The following OPCML variants were observed in gnomAD, a reference collection of about 807,000 sequenced individuals.
OPCML encodes opioid binding protein/cell adhesion molecule like.
OPCML carries 13 observed loss-of-function variants against 37.8 expected under a neutral mutation model. That is an observed-to-expected ratio of 0.34 (90% CI 0.22 to 0.55). OPCML has a LOEUF of 0.55. Among genes scored for constraint, OPCML ranks in the 20% least tolerant of loss-of-function variants. OPCML has a pLI of 0.91. For missense variants in OPCML, 341 were observed against 435.6 expected (o/e 0.78, Z 1.93); for synonymous variants, 176 against 168.8 (o/e 1.04, Z -0.33).
intron 1 of OPCML, among the ~76,000 whole-genome samples, chr11:133,090,534 T>C (rs1188355637): frequency 2.6e-5 from 4 of 152,120 alleles, no homozygotes; most frequent in Non-Finnish European, 5.9e-5. Context: ...CGAGAAATAA[T>C]GTATTAGAAA....
At chr11:132,721,961 T>TTTTC (rs1944687596) in intron 2 of OPCML, among the ~76,000 whole-genome samples, 1 of 138,292 alleles carries the variant, frequency 7.2e-6, no homozygotes, top group Non-Finnish European at 1.6e-5. Context: ...TTTTTTTTTT[T>TTTTC]TTTTTTTTTT....
intron 3 of OPCML, among the ~76,000 whole-genome samples, chr11:132,621,658 T>C (rs550794857): frequency 6.6e-6 from 1 of 152,294 alleles, no homozygotes; most frequent in South Asian, 2.1e-4. Context: ...TCTGGAACAA[T>C]GCAATGTGTT....
rs145066168 is a variant in OPCML, at chr11:132,767,831, A to T, written c.147-110512T>A. On this transcript the variant is annotated intron_variant, in intron 2 of 7. Transcript: ENST00000524381. ...GCTTGGAAAAAAAAAACCCTCCTGC[A>T]GTTGAATTAAATATGGGGGAAAAAC... Among the ~76,000 whole-genome samples the T allele has an allele frequency of 3.1e-4, 47 of 152,132 alleles. No individual in the cohort carries two copies. The East Asian group carries it at 8.9e-3, about 29-fold the overall frequency.
chr11:132,767,892 A>C (rs1198938927), intron 2 of OPCML, among the ~76,000 whole-genome samples: 1 of 152,190 alleles, frequency 6.6e-6, no homozygotes, highest in East Asian at 1.9e-4. Flanking sequence ...GAGTCTAGAA[A>C]TATTTTATAC....
chr11:132,515,066 G>A (rs2096276755), intron 4 of OPCML, among the ~76,000 whole-genome samples: 1 of 152,304 alleles, frequency 6.6e-6, no homozygotes, highest in South Asian at 2.1e-4. Context: ...GAAGAGCAGA[G>A]GTGAGCTGAG....
At chr11:132,825,817 C>T (rs756510849) in intron 2 of OPCML, among the ~76,000 whole-genome samples, 2 of 152,138 alleles carry the variant, frequency 1.3e-5, no homozygotes, top group African/African-American at 4.8e-5. Context: ...GGGAATACAC[C>T]TTTGGGTTGG....
At chr11:132,732,797 G>A (rs1591531625) in intron 2 of OPCML, among the ~76,000 whole-genome samples, 1 of 146,982 alleles carries the variant, frequency 6.8e-6, no homozygotes, top group African/African-American at 2.7e-5. Flanking sequence ...AATGACACAG[G>A]TTGAAATATG....
intron 2 of OPCML, among the ~76,000 whole-genome samples, chr11:132,833,666 C>A (rs1940843780): frequency 6.6e-6 from 1 of 152,220 alleles, no homozygotes; most frequent in African/African-American, 2.4e-5. Flanking sequence ...GATTTGTTTA[C>A]ACCAGCATCA....
At chr11:132,609,633 A>G (rs982320244) in intron 3 of OPCML, among the ~76,000 whole-genome samples, 1 of 152,130 alleles carries the variant, frequency 6.6e-6, no homozygotes, top group Non-Finnish European at 1.5e-5. Context: ...CTCTTCCTTT[A>G]AAGAGTCAGT....
At chr11:133,246,946 A>G (rs1940945569) in intron 1 of OPCML, among the ~76,000 whole-genome samples, 1 of 152,228 alleles carries the variant, frequency 6.6e-6, no homozygotes, top group African/African-American at 2.4e-5. Context: ...ATTGACTTCC[A>G]GGTCTCTTGG....
At chr11:132,756,329 G>A (rs1314122957) in intron 2 of OPCML, among the ~76,000 whole-genome samples, 1 of 152,138 alleles carries the variant, frequency 6.6e-6, no homozygotes, top group Non-Finnish European at 1.5e-5. Context: ...AATAACTGAA[G>A]ACGTGGAACT....
Position 133,229,730 on chromosome 11 carries a change from CT to C in OPCML, c.62-286721del, listed in dbSNP as rs1489036410. ...GCAGCTTCAGGCATCCTCTGGGGGG[CT>C]TGGAGTATATTCCCTGAGGGTAAGG... On this transcript the variant is annotated intron_variant, in intron 1 of 7. Coordinates refer to ENST00000524381, the MANE Select transcript of OPCML (RefSeq NM_001012393.5). Among the ~76,000 whole-genome samples, 52 of 152,300 alleles carry C rather than the reference CT, an allele frequency of 3.4e-4. 1 individual carries two copies. The highest frequency in any genetic ancestry group is 1.2e-3 in the African/African-American group (51 of 41,566).
Position 132,981,317 on chromosome 11 carries a change from C to G in OPCML, c.62-38307G>C, listed in dbSNP as rs117128016. ...GATGTGGTTTCTGTAGATAAGGCCACGTGGTGGTTAGAGCAAAGTCCAAGG... is the reference window on the plus strand; with the variant it reads ...GATGTGGTTTCTGTAGATAAGGCCAGGTGGTGGTTAGAGCAAAGTCCAAGG... On this transcript the variant is annotated intron_variant, in intron 1 of 7. Coordinates refer to ENST00000524381, the MANE Select transcript of OPCML (RefSeq NM_001012393.5). Among the ~76,000 whole-genome samples, 451 of 152,204 alleles carry G rather than the reference C, an allele frequency of 3.0e-3. 4 individuals carry two copies. The highest frequency in any genetic ancestry group is 5.2e-3 in the Non-Finnish European group (355 of 68,008).
At chr11:133,334,650 G>A (rs929018411) in intron 1 of OPCML, among the ~76,000 whole-genome samples, 1 of 152,072 alleles carries the variant, frequency 6.6e-6, no homozygotes, top group South Asian at 2.1e-4. Context: ...TAAAATGAAA[G>A]TTTTTTTAAA....
intron 1 of OPCML, among the ~76,000 whole-genome samples, chr11:133,466,185 T>C (rs532114115): frequency 1.3e-5 from 2 of 152,240 alleles, no homozygotes; most frequent in South Asian, 4.1e-4. Context: ...CACTTTTTGA[T>C]GTGGAAAATT....
intron 1 of OPCML, among the ~76,000 whole-genome samples, chr11:133,275,100 G>A (rs145381007): frequency 6.6e-6 from 1 of 152,128 alleles, no homozygotes; most frequent in Non-Finnish European, 1.5e-5. Context: ...GAGTTTGCTT[G>A]GCAGAATCCC....
chr11:132,729,676 C>T lies in OPCML; in HGVS notation c.147-72357G>A, dbSNP rs113543249. On this transcript the variant is annotated intron_variant, in intron 2 of 7. Transcript: ENST00000524381. Reference sequence around the variant, plus strand: ...CAGAATGAGAAAAGGCTGGTGTTAACGCCTTAAGATTACATTCTTAGTCCA... The same window carrying T: ...CAGAATGAGAAAAGGCTGGTGTTAATGCCTTAAGATTACATTCTTAGTCCA... Among the ~76,000 whole-genome samples, 143 of 152,302 alleles carry T rather than the reference C, an allele frequency of 9.4e-4. 1 individual carries two copies. Among genetic ancestry groups the T allele is most frequent in the African/African-American group, 3.1e-3 (128 of 41,570 alleles).
At chr11:132,535,264 A>G (rs1181182110) in intron 3 of OPCML, among the ~76,000 whole-genome samples, 1 of 152,080 alleles carries the variant, frequency 6.6e-6, no homozygotes, top group Non-Finnish European at 1.5e-5. Context: ...AAACTGAGCT[A>G]TTGGGCCTAA....
Position 133,227,609 on chromosome 11 carries a change from G to C in OPCML, c.62-284599C>G, listed in dbSNP as rs546520359. Among the ~76,000 whole-genome samples the C allele has an allele frequency of 8.2e-4, 125 of 151,872 alleles. 1 individual carries two copies. Among genetic ancestry groups the C allele is most frequent in the African/African-American group, 2.7e-3 (112 of 41,412 alleles). ...CAGCCAGCAACCTAAGAATTGCTCA[G>C]AAAATCACAGGATTTTAAATCAAGG... On this transcript the variant is annotated intron_variant, in intron 1 of 7. Transcript: ENST00000524381.
Sources: gnomAD v4.1 joint callset for allele counts (sites outside exome capture counted in the v4.1 genomes callset) on GRCh38, gnomAD v4.1.1 for gene constraint, MANE v1.5 for transcripts, NCBI Gene and HGNC (gene_info 2026-07-23, HGNC 2026-07-21) for gene names.